The following STEAP4 variants were observed in gnomAD, a reference collection of about 807,000 sequenced individuals.
STEAP4 encodes metalloreductase STEAP4.
In STEAP4, 36 loss-of-function variants were observed where a neutral mutation model predicts 43.6. That is an observed-to-expected ratio of 0.83 (90% CI 0.63 to 1.09). STEAP4 has a LOEUF of 1.09. STEAP4 is among the 50% of genes least tolerant of loss of function. The probability of loss-of-function intolerance (pLI) is 0.00; values close to 1 mark genes in which losing one functional copy is unlikely to be tolerated. For synonymous variants in STEAP4, 191 were observed against 196.7 expected (o/e 0.97, Z 0.24); for missense variants, 495 against 546.5 (o/e 0.91, Z 0.94).
intron 2 of STEAP4, chr7:88,283,399 C>T: frequency 2.0e-6 from 1 of 509,636 alleles, no homozygotes; most frequent in South Asian, 3.7e-5. Context: ...GCACATCACA[C>T]TTATAAAAGA....
intron 1 of STEAP4, among the ~76,000 whole-genome samples, chr7:88,301,153 C>T (rs377660903): frequency 6.6e-6 from 1 of 152,238 alleles, no homozygotes; most frequent in East Asian, 1.9e-4. Flanking sequence ...TCATTATTAA[C>T]TGCAATGAAC....
chr7:88,288,280 C>T (rs1170543872), intron 1 of STEAP4, among the ~76,000 whole-genome samples: 1 of 152,170 alleles, frequency 6.6e-6, no homozygotes, highest in Non-Finnish European at 1.5e-5. Context: ...AAGTGATTCT[C>T]CTGCCTCAGC....
At chr7:88,298,752 A>G (rs974216135) in intron 1 of STEAP4, among the ~76,000 whole-genome samples, 10 of 152,334 alleles carry the variant, frequency 6.6e-5, no homozygotes, top group African/African-American at 2.2e-4. Context: ...CTATAGATTA[A>G]TATAAATATA....
chr7:88,293,453 TTTTAA>T (rs1434028464), intron 1 of STEAP4, among the ~76,000 whole-genome samples: 3 of 152,184 alleles, frequency 2.0e-5, no homozygotes, highest in Admixed American at 6.5e-5. Flanking sequence ...AACAAACATT[TTTTAA>T]TTTGATGATG....
Position 88,282,947 on chromosome 7 carries a change from AG to A in STEAP4, c.677del (p.Pro226LeufsTer24), listed in dbSNP as rs760672745. The A allele has an allele frequency of 2.1e-5, 34 of 1,613,950 alleles. No homozygotes were observed. The highest frequency in any genetic ancestry group is 2.7e-5 in the African/African-American group (2 of 74,944). On this transcript the variant is annotated frameshift_variant, in exon 3 of 5. Coordinates refer to ENST00000380079, the MANE Select transcript of STEAP4 (RefSeq NM_024636.4). LOFTEE classifies it high-confidence loss of function. ...TATTATCTTTCTTTTCATAAACATA[AG>A]GGTAGATTACGTCTCTTATAACACA... The part of the protein sequence containing the change: ...FYCVIRDVIY[P>X]YVYEKKDNTF...
chr7:88,279,194 C>T lies in STEAP4; in HGVS notation c.*204G>A, dbSNP rs774419293. ...GAGTCAGGGACCTGCACTGATTCTT[C>T]ACTAACCTGAGATAAAATGGTGTTC... On this transcript the variant is annotated 3_prime_UTR_variant, in exon 5 of 5. Coordinates refer to ENST00000380079, the MANE Select transcript of STEAP4 (RefSeq NM_024636.4). 5.2e-6 allele frequency: 3 copies of T among 572,934 alleles called. No individual in the cohort carries two copies. Among genetic ancestry groups the T allele is most frequent in the Non-Finnish European group, 9.3e-6 (3 of 322,544 alleles). 35.5% of individuals were successfully genotyped at this position (572,934 alleles called of 1,614,324 possible). A position where few individuals can be genotyped will look rare whatever the true frequency, so the allele number is the denominator to read the frequency against.
intron 1 of STEAP4, among the ~76,000 whole-genome samples, chr7:88,293,408 G>A (rs951427132): frequency 2.2e-5 from 3 of 137,844 alleles, no homozygotes; most frequent in African/African-American, 7.9e-5. Context: ...CCTATAGCTT[G>A]TTTTTTTCAT....
chr7:88,279,186 T>A lies in STEAP4; in HGVS notation c.*212A>T, dbSNP rs1437297881. 1.8e-6 allele frequency: 1 copy of A among 560,746 alleles called. No individual in the cohort carries two copies. The highest frequency in any genetic ancestry group is 1.9e-5 in the African/African-American group (1 of 52,958). The allele number at this position is 560,746 out of a possible 1,614,324, so 34.7% of individuals were successfully genotyped here. On this transcript the variant is annotated 3_prime_UTR_variant, in exon 5 of 5. Coordinates refer to ENST00000380079, the MANE Select transcript of STEAP4 (RefSeq NM_024636.4). ...GAAAATAAGAGTCAGGGACCTGCAC[T>A]GATTCTTCACTAACCTGAGATAAAA... is the stretch of plus-strand genomic sequence containing the variant.
intron 4 of STEAP4, among the ~76,000 whole-genome samples, chr7:88,280,493 G>A (rs1324775149): frequency 6.6e-6 from 1 of 152,210 alleles, no homozygotes; most frequent in Admixed American, 6.5e-5. Flanking sequence ...TGCTTGACAT[G>A]TGGAAGAAAA....
chr7:88,283,627 C>T, intron 2 of STEAP4, 187 bp downstream of exon 2: 1 of 665,502 alleles, frequency 1.5e-6, no homozygotes, highest in South Asian at 2.0e-5. Context: ...AGGGTGCAGA[C>T]AGTGGGAGAT....
chr7:88,303,664 A>G (rs552714842), intron 1 of STEAP4, among the ~76,000 whole-genome samples: 12 of 152,334 alleles, frequency 7.9e-5, no homozygotes, highest in African/African-American at 2.9e-4. Context: ...TAGAGTGTAT[A>G]TACTTCCTTT....
chr7:88,294,409 A>G (rs1017453311), intron 1 of STEAP4, among the ~76,000 whole-genome samples: 1 of 152,104 alleles, frequency 6.6e-6, no homozygotes, highest in Admixed American at 6.6e-5. Context: ...AAAAAAAAAA[A>G]TCTGAAATCC....
At chr7:88,306,547 C>A (rs909607566) in intron 1 of STEAP4, among the ~76,000 whole-genome samples, 1 of 152,238 alleles carries the variant, frequency 6.6e-6, no homozygotes, top group Non-Finnish European at 1.5e-5. Context: ...CCTTAATTTT[C>A]CCCCTTTGGG....
intron 2 of STEAP4, chr7:88,283,501 CCA>C (rs1435220785): frequency 2.1e-6 from 1 of 483,340 alleles, no homozygotes; most frequent in African/African-American, 2.0e-5. Context: ...ATAAATGGAA[CCA>C]GTTTCATACA....
At position 88,283,999 on chromosome 7, in the gene STEAP4, C is replaced by A. The variant is rs1852678219; in HGVS notation, c.271G>T (p.Glu91Ter). ...TTTCCATTGAGAACCTCAGTTAATT[C>A]TGTGAGAAAATCATAATGCTCTCTG... ...IHREHYDFLTELTEVLNGKIL... is the reference protein window; with the variant it reads ...IHREHYDFLT The change falls in exon 2 of 5, where the codon GAA becomes TAA. Residue 91 changes from glutamate to a stop codon, truncating the protein, a stop_gained. Transcript: ENST00000380079. LOFTEE classifies it high-confidence loss of function. 11 of 1,613,952 alleles carry A rather than the reference C, an allele frequency of 6.8e-6. No individual in the cohort carries two copies. The highest frequency in any genetic ancestry group is 9.3e-6 in the Non-Finnish European group (11 of 1,180,014).
At chr7:88,302,910 C>T (rs559559046) in intron 1 of STEAP4, among the ~76,000 whole-genome samples, 33 of 135,346 alleles carry the variant, frequency 2.4e-4, no homozygotes, top group African/African-American at 8.3e-4. Flanking sequence ...GCTGACATCG[C>T]GCTACTGTAC....
At chr7:88,280,257 TATACTC>T (rs1303948254) in intron 4 of STEAP4, among the ~76,000 whole-genome samples, 2 of 152,364 alleles carry the variant, frequency 1.3e-5, no homozygotes, top group African/African-American at 4.8e-5. Flanking sequence ...TCTTTTCTAT[TATACTC>T]ATAATAAGCA....
chr7:88,301,496 T>G (rs1188047415), intron 1 of STEAP4, among the ~76,000 whole-genome samples: 3 of 152,184 alleles, frequency 2.0e-5, no homozygotes, highest in Non-Finnish European at 4.4e-5. Context: ...AGGCTAGTCT[T>G]GAACTCCTGG....
At chr7:88,303,831 CATTA>C (rs1203854402) in intron 1 of STEAP4, among the ~76,000 whole-genome samples, 3 of 152,174 alleles carry the variant, frequency 2.0e-5, no homozygotes, top group African/African-American at 7.2e-5. Context: ...TTGTTTTATG[CATTA>C]ATTATTCTTT....
Sources: gnomAD v4.1 joint callset for allele counts (sites outside exome capture counted in the v4.1 genomes callset) on GRCh38, gnomAD v4.1.1 for gene constraint, MANE v1.5 for transcripts, NCBI Gene and HGNC (gene_info 2026-07-23, HGNC 2026-07-21) for gene names.